ADAM22: variants seen among roughly 807,000 people sequenced by gnomAD.
ADAM22 encodes the protein ADAM metallopeptidase domain 22.
Under a neutral mutation model 144.6 loss-of-function variants are expected in ADAM22, and 65 were observed. The ratio of observed to expected loss-of-function variants is 0.45; its 90% CI spans 0.37 to 0.55. The LOEUF (loss-of-function observed/expected upper bound fraction) is 0.55. Among genes scored for constraint, ADAM22 ranks in the 20% least tolerant of loss-of-function variants. The probability of loss-of-function intolerance (pLI) is 0.00; values close to 1 mark genes in which losing one functional copy is unlikely to be tolerated. For missense variants in ADAM22, 974 were observed against 1,184.9 expected (o/e 0.82, Z 2.61); for synonymous variants, 391 against 412.6 (o/e 0.95, Z 0.63).
chr7:87,994,994 AT>A (rs571211197), intron 3 of ADAM22, among the ~76,000 whole-genome samples: 5 of 151,038 alleles, frequency 3.3e-5, no homozygotes, highest in South Asian at 2.1e-4. Context: ...CGCCTGGCTA[AT>A]TTTTTTTTGT....
At chr7:87,957,949 A>C (rs1211780577) in intron 2 of ADAM22, among the ~76,000 whole-genome samples, 2 of 152,098 alleles carry the variant, frequency 1.3e-5, no homozygotes, top group African/African-American at 2.4e-5. Context: ...GTGTATTTAA[A>C]TGTCTATCTT....
chr7:88,149,422 T>G (rs918837354), intron 18 of ADAM22, among the ~76,000 whole-genome samples: 8 of 152,302 alleles, frequency 5.3e-5, no homozygotes, highest in African/African-American at 1.9e-4. Flanking sequence ...CACTGGATTC[T>G]TAGAGAGGAC....
At chr7:87,975,144 T>C (rs1851600821) in intron 2 of ADAM22, among the ~76,000 whole-genome samples, 2 of 152,200 alleles carry the variant, frequency 1.3e-5, no homozygotes, top group African/African-American at 4.8e-5. Context: ...CTTCTAGTTA[T>C]TAATGTTGTT....
rs192163425 is a variant in ADAM22, at chr7:87,957,019, T to C, written c.247-21317T>C. Among the ~76,000 whole-genome samples the C allele has an allele frequency of 4.6e-5, 7 of 152,334 alleles. No homozygotes were observed. In the East Asian group the frequency reaches 1.4e-3, roughly 29 times the overall value. ...ATTTTCTTTAAAACCCTGCCTATGG[T>C]GCACTCAAGTGATTTCAGAGTCCTT... is the stretch of plus-strand genomic sequence containing the variant. On this transcript the variant is annotated intron_variant, in intron 2 of 31. Transcript: ENST00000413139.
intron 5 of ADAM22, among the ~76,000 whole-genome samples, chr7:88,111,793 A>G (rs1385951504): frequency 6.6e-6 from 1 of 152,182 alleles, no homozygotes; most frequent in African/African-American, 2.4e-5. Context: ...TATAAAACAC[A>G]TGTATTTTTT....
intron 24 of ADAM22, among the ~76,000 whole-genome samples, chr7:88,167,933 A>T (rs1021620120): frequency 3.3e-5 from 5 of 152,238 alleles, no homozygotes; most frequent in African/African-American, 1.2e-4. Flanking sequence ...TTGGACAAGA[A>T]TTAAAAAGGA....
rs913747478 is a variant in ADAM22, at chr7:87,955,761, G to T, written c.246+20575G>T. ...CCTACAGAGGCAGGCAGGCCTCCTT[G>T]AGCTGTGGTGGGGTCCACCCAGTTC... is the stretch of plus-strand genomic sequence containing the variant. On this transcript the variant is annotated intron_variant, in intron 2 of 31. Coordinates refer to ENST00000413139, the MANE Select transcript of ADAM22 (RefSeq NM_001324418.2). Among the ~76,000 whole-genome samples, 102 of 152,304 alleles carry T rather than the reference G, an allele frequency of 6.7e-4. 1 individual carries two copies. Among genetic ancestry groups the T allele is most frequent in the African/African-American group, 2.4e-3 (101 of 41,576 alleles).
chr7:88,011,750 C>G (rs989185181), intron 3 of ADAM22, among the ~76,000 whole-genome samples: 9 of 149,504 alleles, frequency 6.0e-5, no homozygotes, highest in Non-Finnish European at 1.3e-4. Flanking sequence ...CACCCCCCAA[C>G]CTTTCTCTCT....
chr7:87,999,945 A>G (rs1230546506), intron 3 of ADAM22, among the ~76,000 whole-genome samples: 2 of 151,902 alleles, frequency 1.3e-5, no homozygotes, highest in East Asian at 3.9e-4. Context: ...TGTGAATTAG[A>G]CATTGTGCTC....
rs201716010 is a variant in ADAM22 at position 88,007,433 on chromosome 7, A to C, written c.323+29021A>C. 6.1e-3 allele frequency among the ~76,000 whole-genome samples: 930 copies of C among 152,312 alleles called. 12 individuals are homozygous for C. The highest frequency in any genetic ancestry group is 0.046 in the East Asian group (237 of 5,178). ...CATATGGAACCAAAAAAGAGCCCGC[A>C]TTGCCAAGTCAATCCTAAGCCAAAA... On this transcript the variant is annotated intron_variant, in intron 3 of 31. Transcript: ENST00000413139.
In ADAM22 at chr7:88,156,024, C is replaced by T. The variant is rs758870530; in HGVS notation, c.1907+18C>T. The T allele has an allele frequency of 3.1e-6, 5 of 1,610,544 alleles. No homozygotes were observed. The South Asian group carries it at 4.4e-5, about 14-fold the overall frequency. On this transcript the variant is annotated intron_variant, in intron 22 of 31. Coordinates refer to ENST00000413139, the MANE Select transcript of ADAM22 (RefSeq NM_001324418.2). ...AACTGCAGGTAATTATCTAACCATT[C>T]TGTAAGAATCTGAGTCATCTTATTT...
chr7:88,184,858 A>C (rs1477603306), intron 29 of ADAM22, among the ~76,000 whole-genome samples: 2 of 152,202 alleles, frequency 1.3e-5, no homozygotes, highest in Non-Finnish European at 2.9e-5. Flanking sequence ...CATCAAGTGC[A>C]AGTCAAGCCA....
chr7:87,993,809 T>C (rs1790459857), intron 3 of ADAM22, among the ~76,000 whole-genome samples: 1 of 152,178 alleles, frequency 6.6e-6, no homozygotes, highest in Non-Finnish European at 1.5e-5. Context: ...CAATAGGTGG[T>C]ATTTTAGGAC....
chr7:88,174,264 G>GT (rs1845083448), intron 26 of ADAM22, among the ~76,000 whole-genome samples: 1 of 151,784 alleles, frequency 6.6e-6, no homozygotes, highest in Non-Finnish European at 1.5e-5. Context: ...GCAGACCCAC[G>GT]TTTTTTTTCT....
intron 7 of ADAM22, among the ~76,000 whole-genome samples, chr7:88,117,582 C>T (rs189750979): frequency 7.3e-4 from 111 of 152,112 alleles, no homozygotes; most frequent in Non-Finnish European, 1.3e-3. Flanking sequence ...CTGTGCTGGA[C>T]TCATTTGTTT....
At chr7:88,007,325 C>A (rs559511245) in intron 3 of ADAM22, among the ~76,000 whole-genome samples, 2,566 of 152,012 alleles carry the variant, frequency 0.017, 85 homozygotes, top group African/African-American at 0.057. Flanking sequence ...CATACTGCCC[C>A]AGGTAATTTA....
At chr7:87,977,064 A>G (rs1852067914) in intron 2 of ADAM22, among the ~76,000 whole-genome samples, 1 of 152,046 alleles carries the variant, frequency 6.6e-6, no homozygotes, top group Non-Finnish European at 1.5e-5. Context: ...AAGAGTTAAG[A>G]GTTATAGTTG....
rs1851228301 is a variant in ADAM22, at chr7:88,201,863, T to TA, written c.*5378dup. Reference sequence around the variant, plus strand: ...GAAGAAAAGGTATTTTCCTTTCTTGTAAAAAATGTTATATATATATAATAT... The same window carrying TA: ...GAAGAAAAGGTATTTTCCTTTCTTGTAAAAAAATGTTATATATATATAATAT... On this transcript the variant is annotated 3_prime_UTR_variant, in exon 32 of 32. Transcript: ENST00000413139. 1.3e-5 allele frequency: 2 copies of TA among 152,162 alleles called. No individual in the cohort carries two copies. The highest frequency in any genetic ancestry group is 1.9e-4 in the East Asian group (1 of 5,202). 9.4% of individuals were successfully genotyped at this position (152,162 alleles called of 1,614,324 possible). A position where few individuals can be genotyped will look rare whatever the true frequency, so the allele number is the denominator to read the frequency against.
At chr7:88,130,334 T>C (rs1310673203) in intron 9 of ADAM22, 54 bp from the exon 10 acceptor site, 7 of 1,393,566 alleles carry the variant, frequency 5.0e-6, no homozygotes, top group Non-Finnish European at 7.0e-6. Flanking sequence ...TCTGATGAGA[T>C]GATTGTTTTC....
Sources: gnomAD v4.1 joint callset for allele counts (sites outside exome capture counted in the v4.1 genomes callset) on GRCh38, gnomAD v4.1.1 for gene constraint, MANE v1.5 for transcripts, NCBI Gene and HGNC (gene_info 2026-07-23, HGNC 2026-07-21) for gene names.